Variants in TTC21B observed in about 807,000 individuals in gnomAD.
The protein encoded by TTC21B is tetratricopeptide repeat protein 21B.
Under a neutral mutation model 175.1 loss-of-function variants are expected in TTC21B, and 127 were observed. That is an observed-to-expected ratio of 0.73 (90% CI 0.63 to 0.84). The LOEUF (loss-of-function observed/expected upper bound fraction) is 0.84. TTC21B is among the 40% of genes least tolerant of loss of function. The pLI, the probability that TTC21B is intolerant of heterozygous loss-of-function variation, is 0.00. For missense variants in TTC21B, 1,561 were observed against 1,558.3 expected (o/e 1.00, Z -0.03); for synonymous variants, 524 against 524.5 (o/e 1.00, Z 0.01).
Position 165,907,839 on chromosome 2 carries a change from T to C in TTC21B, c.2462-55A>G, listed in dbSNP as rs1026928170. ...ATTATTCATCTTAAATAAATGTTTA[T>C]ATTTTTCCAGAATTTTTAAAACTGG... On this transcript the variant is annotated intron_variant, in intron 18 of 28. Transcript: ENST00000243344. 1.3e-5 allele frequency: 16 copies of C among 1,276,444 alleles called. No individual in the cohort carries two copies. The African/African-American group carries it at 1.5e-4, about 12-fold the overall frequency. The allele number at this position is 1,276,444 out of a possible 1,614,324, so 79.1% of individuals were successfully genotyped here.
In TTC21B at chr2:165,883,942, T is replaced by C. The variant is rs745900529; in HGVS notation, c.3536A>G (p.Gln1179Arg). Residue 1179 changes from glutamine (Q) to arginine (R), a missense_variant, in exon 26 of 29, where the codon CAG becomes CGG. By Grantham distance (43) the Gln-to-Arg change is conservative (BLOSUM62 1). Transcript: ENST00000243344. ...ATTCATTTTCGCAATACGCTTCAGC[T>C]GGTTTCTGGCTCGTGGAGTCTGTTT... is the stretch of plus-strand genomic sequence containing the variant. The part of the protein sequence containing the change: ...ILKQTPRARN[Q>R]LKRIAKMNWN... 3.1e-6 allele frequency: 5 copies of C among 1,614,170 alleles called. No individual in the cohort carries two copies. Among genetic ancestry groups the C allele is most frequent in the Non-Finnish European group, 4.2e-6 (5 of 1,180,008 alleles).
intron 19 of TTC21B, among the ~76,000 whole-genome samples, chr2:165,906,700 G>A (rs535762314): frequency 1.3e-5 from 2 of 152,092 alleles, no homozygotes; most frequent in South Asian, 2.1e-4. Flanking sequence ...ATCCCAGCAC[G>A]TTGGAAGGCC....
chr2:165,919,908 G>T (rs914801293), intron 12 of TTC21B, among the ~76,000 whole-genome samples: 8 of 151,988 alleles, frequency 5.3e-5, no homozygotes, highest in African/African-American at 1.9e-4. Context: ...AACAAAAAAG[G>T]CCTAAGGATA....
rs2105343236 is a variant in TTC21B at position 165,929,299 on chromosome 2, T to C, written c.1222A>G (p.Lys408Glu). ...IYLHAVLAMK[K>E]NKRQEEVINL... ...ATAACTTCTTCTTGTCGTTTATTTT[T>C]CTTCATGGCAAGAACTGCATGTAAA... Residue 408 changes from lysine (K) to glutamate (E), a missense_variant, in exon 11 of 29, where the codon AAA becomes GAA. Lys to Glu is a moderately conservative substitution (Grantham distance 56, BLOSUM62 1). Transcript: ENST00000243344. The C allele has an allele frequency of 6.2e-7, 1 of 1,612,100 alleles. No homozygotes were observed. The highest frequency in any genetic ancestry group is 1.1e-5 in the South Asian group (1 of 90,986).
chr2:165,897,188 T>C (rs1481329836), intron 22 of TTC21B, among the ~76,000 whole-genome samples: 1 of 152,230 alleles, frequency 6.6e-6, no homozygotes, highest in Non-Finnish European at 1.5e-5. Context: ...CCTAGAATTT[T>C]CAGGGGTATC....
At chr2:165,932,402 T>G (rs184571150) in intron 7 of TTC21B, among the ~76,000 whole-genome samples, 237 of 152,232 alleles carry the variant, frequency 1.6e-3, no homozygotes, top group Middle Eastern at 6.8e-3. Flanking sequence ...TTAACCAATT[T>G]AACCACACTA....
chr2:165,942,001 G>C (rs1687385575), intron 5 of TTC21B, among the ~76,000 whole-genome samples: 1 of 152,080 alleles, frequency 6.6e-6, no homozygotes, highest in Non-Finnish European at 1.5e-5. Flanking sequence ...TATAAATATA[G>C]TTAGTACATT....
rs200347449 is a variant in TTC21B at position 165,874,846 on chromosome 2, A to G, written c.3874-14T>C. ...TGCTTCAAGAACCTGCAAAACAAATAAAGAACCCATAAAAACTTGTAACTA... is the reference window on the plus strand; with the variant it reads ...TGCTTCAAGAACCTGCAAAACAAATGAAGAACCCATAAAAACTTGTAACTA... On this transcript the variant is annotated splice_polypyrimidine_tract_variant and intron_variant, in intron 28 of 28. Coordinates refer to ENST00000243344, the MANE Select transcript of TTC21B (RefSeq NM_024753.5). 2,126 of 1,612,380 alleles carry G rather than the reference A, an allele frequency of 1.3e-3. 4 individuals are homozygous for G. The highest frequency in any genetic ancestry group is 2.2e-3 in the Middle Eastern group (13 of 5,998).
chr2:165,934,100 A>T (rs1298666179), intron 6 of TTC21B: 1 of 152,194 alleles, frequency 6.6e-6, no homozygotes, highest in Non-Finnish European at 1.5e-5. Flanking sequence ...ACTTATTATT[A>T]TATGTCCTGA....
intron 22 of TTC21B, among the ~76,000 whole-genome samples, chr2:165,894,286 G>A (rs1685290278): frequency 6.6e-6 from 1 of 152,164 alleles, no homozygotes; most frequent in Non-Finnish European, 1.5e-5. Flanking sequence ...CGTGAGAGCA[G>A]TAATTAGATC....
chr2:165,907,927 T>A (rs959781861), intron 18 of TTC21B, 143 bp from the exon 19 acceptor site: 2 of 595,166 alleles, frequency 3.4e-6, no homozygotes, highest in Non-Finnish European at 5.8e-6. Context: ...ATCAGTTGCC[T>A]GAAGAATGGC....
chr2:165,907,898 T>C (rs546293988), intron 18 of TTC21B, 114 bp from the exon 19 acceptor site: 11 of 712,422 alleles, frequency 1.5e-5, no homozygotes, highest in Admixed American at 2.5e-5. Flanking sequence ...AAATAGTGAA[T>C]ACGGTTAAAA....
At chr2:165,902,280 C>T (rs1480825961) in intron 19 of TTC21B, among the ~76,000 whole-genome samples, 1 of 152,200 alleles carries the variant, frequency 6.6e-6, no homozygotes, top group Non-Finnish European at 1.5e-5. Context: ...CCTTTCCACC[C>T]ATCCATCTGG....
At chr2:165,941,246 C>G in intron 5 of TTC21B, 62 bp from the exon 6 acceptor site, 1 of 1,570,584 alleles carries the variant, frequency 6.4e-7, no homozygotes, top group Non-Finnish European at 8.8e-7. Flanking sequence ...GTTCTCATAA[C>G]GCAGAGCAGG....
intron 26 of TTC21B, among the ~76,000 whole-genome samples, chr2:165,881,327 CT>C (rs1487150978): frequency 6.6e-6 from 1 of 152,088 alleles, no homozygotes; most frequent in Non-Finnish European, 1.5e-5. Flanking sequence ...TTAATGACTC[CT>C]TAATAGCACC....
intron 27 of TTC21B, 115 bp from the exon 28 acceptor site, chr2:165,876,347 T>A (rs1349730119): frequency 4.1e-6 from 3 of 737,320 alleles, no homozygotes; most frequent in Non-Finnish European, 7.4e-6. Context: ...GGCTGGTGAA[T>A]GAACAACCAA....
intron 28 of TTC21B, among the ~76,000 whole-genome samples, chr2:165,875,272 GTTTTT>G (rs5836060): frequency 6.7e-6 from 1 of 150,058 alleles, no homozygotes; most frequent in Non-Finnish European, 1.5e-5. Context: ...GGAGATGCTA[GTTTTT>G]TTTTTTAACT....
chr2:165,917,228 C>A, intron 14 of TTC21B, 29 bp downstream of exon 14: 1 of 1,587,858 alleles, frequency 6.3e-7, no homozygotes. Context: ...AAGTTCACAT[C>A]CGAGCCCTTA....
intron 20 of TTC21B, 40 bp from the exon 21 acceptor site, chr2:165,899,920 A>G (rs747241156): frequency 1.7e-5 from 23 of 1,355,612 alleles, no homozygotes; most frequent in Non-Finnish European, 2.2e-5. Context: ...CACTGTATAG[A>G]ATAAAAAGTC....
Sources: gnomAD v4.1 joint callset for allele counts (sites outside exome capture counted in the v4.1 genomes callset) on GRCh38, gnomAD v4.1.1 for gene constraint, MANE v1.5 for transcripts, NCBI Gene and HGNC (gene_info 2026-07-23, HGNC 2026-07-21) for gene names.